ASIC2: variants seen among roughly 807,000 people sequenced by gnomAD.
ASIC2 encodes acid sensing ion channel subunit 2.
ASIC2 carries 25 observed loss-of-function variants against 57.3 expected under a neutral mutation model. The observed-to-expected ratio is 0.44, with a 90% CI of 0.32 to 0.61. The LOEUF is 0.61. ASIC2 is among the 20% of genes least tolerant of loss of function. ASIC2 has a pLI of 0.06. For missense variants in ASIC2, 641 were observed against 738.1 expected, an observed-to-expected ratio of 0.87 and a Z score of 1.52; for synonymous variants, 319 against 307.5, an observed-to-expected ratio of 1.04 and a Z score of -0.39.
intron 1 of ASIC2, among the ~76,000 whole-genome samples, chr17:33,356,874 C>G (rs2142255520): frequency 6.6e-6 from 1 of 152,126 alleles, no homozygotes; most frequent in South Asian, 2.1e-4. Context: ...GCTGCTGCTG[C>G]ATGAAGACTG....
chr17:33,475,709 A>C (rs1360094750), intron 1 of ASIC2, among the ~76,000 whole-genome samples: 1 of 152,190 alleles, frequency 6.6e-6, no homozygotes, highest in Non-Finnish European at 1.5e-5. Flanking sequence ...TTTTCAGTGT[A>C]ACAGCGTGGC....
intron 1 of ASIC2, chr17:34,120,218 A>T (rs1911566045): frequency 6.6e-6 from 1 of 152,244 alleles, no homozygotes; most frequent in African/African-American, 2.4e-5. Context: ...TAACAAAGTC[A>T]TAAGGATATG....
intron 1 of ASIC2, among the ~76,000 whole-genome samples, chr17:33,839,525 T>G (rs1056161205): frequency 6.6e-6 from 1 of 152,108 alleles, no homozygotes; most frequent in African/African-American, 2.4e-5. Flanking sequence ...ATTCTGGGGC[T>G]GGGACTCTGC....
intron 1 of ASIC2, among the ~76,000 whole-genome samples, chr17:33,679,271 C>G (rs149794534): frequency 2.6e-5 from 4 of 152,302 alleles, no homozygotes; most frequent in African/African-American, 9.6e-5. Flanking sequence ...CACTAACCCT[C>G]TTGCCCCCAC....
intron 3 of ASIC2, among the ~76,000 whole-genome samples, chr17:33,037,696 A>G (rs552446924): frequency 6.6e-6 from 1 of 152,234 alleles, no homozygotes; most frequent in Non-Finnish European, 1.5e-5. Flanking sequence ...AAAGATAGAC[A>G]CAAGAATAGT....
intron 1 of ASIC2, among the ~76,000 whole-genome samples, chr17:33,531,487 T>TGG (rs1915050338): frequency 6.6e-6 from 1 of 152,178 alleles, no homozygotes; most frequent in Admixed American, 6.5e-5. Context: ...TCTTGCCATC[T>TGG]GGGGGTTTAG....
chr17:34,012,634 T>C (rs1383969565), intron 1 of ASIC2, among the ~76,000 whole-genome samples: 1 of 152,170 alleles, frequency 6.6e-6, no homozygotes, highest in Non-Finnish European at 1.5e-5. Context: ...AGATTTTCAG[T>C]ATAACCCTCA....
In ASIC2 at chr17:33,552,362, A is replaced by G. The variant is rs561869309; in HGVS notation, c.556-440295T>C. Among the ~76,000 whole-genome samples the G allele has an allele frequency of 3.3e-5, 5 of 152,330 alleles. No homozygotes were observed. The South Asian group carries it at 6.2e-4, about 19-fold the overall frequency. On this transcript the variant is annotated intron_variant, in intron 1 of 9. Coordinates refer to the ASIC2 transcript ENST00000359872. Reference sequence around the variant, plus strand: ...CTGCTGGAGGCATGGAGGGTGGTCAAACTGATAGAATCAATACAATCTTCC... The same window carrying G: ...CTGCTGGAGGCATGGAGGGTGGTCAGACTGATAGAATCAATACAATCTTCC...
At chr17:34,037,732 G>C (rs1907944786) in intron 1 of ASIC2, 2 of 1,614,182 alleles carry the variant, frequency 1.2e-6, no homozygotes, top group Admixed American at 3.3e-5. Context: ...AGGGATCACA[G>C]GCCAGCTGCT....
At chr17:33,126,892 G>T in intron 1 of ASIC2, among the ~76,000 whole-genome samples, 1 of 110,434 alleles carries the variant, frequency 9.1e-6, no homozygotes, top group Non-Finnish European at 1.7e-5. Flanking sequence ...ACGGAGTCTC[G>T]CTCTGTCGCC....
intron 1 of ASIC2, among the ~76,000 whole-genome samples, chr17:33,139,273 A>G (rs2092378188): frequency 1.3e-5 from 2 of 152,118 alleles, no homozygotes; most frequent in South Asian, 4.1e-4. Flanking sequence ...TTACCTCCCT[A>G]AACTCTCAAC....
chr17:33,373,687 C>T (rs4795771), intron 1 of ASIC2, among the ~76,000 whole-genome samples: 53,398 of 143,850 alleles, frequency 0.37, 10,143 homozygotes, highest in Non-Finnish European at 0.44. Flanking sequence ...TCTTTTTTTT[C>T]TCTTTTCTCA....
intron 1 of ASIC2, among the ~76,000 whole-genome samples, chr17:33,912,696 A>G (rs563316567): frequency 6.9e-6 from 1 of 145,420 alleles, no homozygotes; most frequent in African/African-American, 2.6e-5. Flanking sequence ...ATTATAGACT[A>G]GGGCCGGGTG....
chr17:33,335,388 T>C (rs1029073370), intron 1 of ASIC2, among the ~76,000 whole-genome samples: 2 of 152,190 alleles, frequency 1.3e-5, no homozygotes, highest in African/African-American at 2.4e-5. Context: ...CTAATCCTCA[T>C]AAAATAGTAG....
chr17:33,152,035 G>A (rs1904821962), intron 1 of ASIC2, among the ~76,000 whole-genome samples: 1 of 152,212 alleles, frequency 6.6e-6, no homozygotes, highest in Non-Finnish European at 1.5e-5. Context: ...AGCTAACACT[G>A]ATTAAGGGTC....
At chr17:33,408,709 TGGA>T (rs894214880) in intron 1 of ASIC2, among the ~76,000 whole-genome samples, 1 of 152,184 alleles carries the variant, frequency 6.6e-6, no homozygotes, top group Admixed American at 6.5e-5. Flanking sequence ...ACAGTAGATT[TGGA>T]GAAGAGGTCC....
At chr17:33,842,692 C>T (rs939013661) in intron 1 of ASIC2, among the ~76,000 whole-genome samples, 3 of 152,160 alleles carry the variant, frequency 2.0e-5, no homozygotes, top group African/African-American at 7.2e-5. Context: ...GACTTCAGGC[C>T]TTGCCATGAT....
chr17:33,442,710 T>C (rs1950984268), intron 1 of ASIC2, among the ~76,000 whole-genome samples: 1 of 152,156 alleles, frequency 6.6e-6, no homozygotes, highest in Non-Finnish European at 1.5e-5. Context: ...AAGGATCATG[T>C]TTTCTGAGAA....
At chr17:33,416,571 C>G (rs1047537164) in intron 1 of ASIC2, among the ~76,000 whole-genome samples, 6 of 152,178 alleles carry the variant, frequency 3.9e-5, no homozygotes, top group Admixed American at 1.3e-4. Context: ...AGGGCAGGTG[C>G]TTGTCTGTGC....
Sources: gnomAD v4.1 joint callset for allele counts (sites outside exome capture counted in the v4.1 genomes callset) on GRCh38, gnomAD v4.1.1 for gene constraint, MANE v1.5 for transcripts, NCBI Gene and HGNC (gene_info 2026-07-23, HGNC 2026-07-21) for gene names.